FAM193A: variants seen among roughly 807,000 people sequenced by gnomAD.
FAM193A encodes protein FAM193A.
Under a neutral mutation model 126.5 loss-of-function variants are expected in FAM193A, and 22 were observed. The observed-to-expected ratio is 0.17, with a 90% CI of 0.12 to 0.25. FAM193A has a LOEUF of 0.25. Among genes scored for constraint, FAM193A ranks in the 10% least tolerant of loss-of-function variants. The pLI is 1.00. For synonymous variants in FAM193A, 761 were observed against 646.8 expected (o/e 1.18, Z -2.68); for missense variants, 1,675 against 1,672.8 (o/e 1.00, Z -0.02).
At chr4:2,621,669 G>A (rs1742553055) in intron 2 of FAM193A, among the ~76,000 whole-genome samples, 1 of 152,210 alleles carries the variant, frequency 6.6e-6, no homozygotes, top group Admixed American at 6.5e-5. Flanking sequence ...CAGGCAAGAG[G>A]TAGGTGATGA....
chr4:2,630,131 CAAAA>C (rs34488841), intron 4 of FAM193A, among the ~76,000 whole-genome samples: 2 of 108,048 alleles, frequency 1.9e-5, no homozygotes, highest in Admixed American at 1.0e-4. Context: ...GACTCCATCT[CAAAA>C]AAAAAAAAAA....
intron 5 of FAM193A, among the ~76,000 whole-genome samples, chr4:2,633,341 T>C (rs1407119098): frequency 2.0e-5 from 3 of 151,106 alleles, no homozygotes; most frequent in Non-Finnish European, 4.4e-5. Flanking sequence ...AGAGGTTGCA[T>C]TGAGCCAAGA....
At chr4:2,578,593 G>C (rs1739740664) in intron 1 of FAM193A, among the ~76,000 whole-genome samples, 1 of 152,034 alleles carries the variant, frequency 6.6e-6, no homozygotes, top group South Asian at 2.1e-4. Context: ...GAACGAAGGG[G>C]TTAGGGATGC....
intron 7 of FAM193A, among the ~76,000 whole-genome samples, chr4:2,648,284 GT>G (rs1175390765): frequency 6.6e-6 from 1 of 152,132 alleles, no homozygotes; most frequent in African/African-American, 2.4e-5. Flanking sequence ...CTTAGGGCAG[GT>G]GGCCCTGAGA....
chr4:2,731,743 T>C (rs1002527156), intron 20 of FAM193A, 32 bp from the exon 21 acceptor site: 1 of 1,567,440 alleles, frequency 6.4e-7, no homozygotes, highest in African/African-American at 1.4e-5. Context: ...GGCTGTTTCC[T>C]TCAGTGACTG....
At chr4:2,622,257 CAAAAAAAAAAA>C (rs71178493) in intron 2 of FAM193A, among the ~76,000 whole-genome samples, 21 of 55,570 alleles carry the variant, frequency 3.8e-4, no homozygotes, top group African/African-American at 1.2e-3. Flanking sequence ...ACCCTGTCTC[CAAAAAAAAAAA>C]AAAAAAAAAA....
intron 13 of FAM193A, among the ~76,000 whole-genome samples, chr4:2,685,816 T>C (rs1715672386): frequency 6.6e-6 from 1 of 152,218 alleles, no homozygotes; most frequent in African/African-American, 2.4e-5. Context: ...AAACTCAGTG[T>C]GTGCGCAGTG....
At chr4:2,625,608 G>C in intron 3 of FAM193A, 1 of 405,762 alleles carries the variant, frequency 2.5e-6, no homozygotes, top group Non-Finnish European at 4.4e-6. Context: ...ACAAGAGAAG[G>C]AGTCCTTAAA....
At chr4:2,683,584 C>T (rs1715404163) in intron 13 of FAM193A, among the ~76,000 whole-genome samples, 1 of 152,240 alleles carries the variant, frequency 6.6e-6, no homozygotes, top group Admixed American at 6.5e-5. Flanking sequence ...TGAGCCATGG[C>T]ACCTGGCCAA....
chr4:2,682,828 T>C (rs1436953849), intron 13 of FAM193A, among the ~76,000 whole-genome samples: 1 of 131,762 alleles, frequency 7.6e-6, no homozygotes, highest in Non-Finnish European at 1.7e-5. Context: ...TTTTCACTTA[T>C]CCACATGTTT....
intron 17 of FAM193A, 158 bp downstream of exon 17, chr4:2,695,287 C>T: frequency 1.7e-6 from 1 of 605,860 alleles, no homozygotes; most frequent in Non-Finnish European, 2.6e-6. Context: ...AAGATTTAGC[C>T]ATAATGATTT....
At chr4:2,553,274 C>T (rs182990840) in intron 1 of FAM193A, among the ~76,000 whole-genome samples, 118 of 152,084 alleles carry the variant, frequency 7.8e-4, no homozygotes, top group Middle Eastern at 6.8e-3. Context: ...GGCTGTAATG[C>T]GCGATGATAG....
intron 7 of FAM193A, among the ~76,000 whole-genome samples, chr4:2,647,536 T>C (rs1745272988): frequency 6.6e-6 from 1 of 151,890 alleles, no homozygotes; most frequent in Non-Finnish European, 1.5e-5. Context: ...TAGAAGGGAG[T>C]GCAGACACAT....
chr4:2,710,161 G>GTTTTTTTTTTTT (rs796903801), intron 19 of FAM193A, among the ~76,000 whole-genome samples: 22 of 91,814 alleles, frequency 2.4e-4, no homozygotes, highest in Admixed American at 3.1e-4. Context: ...TTCTTCTTTT[G>GTTTTTTTTTTTT]TTTTTTTTTT....
At chr4:2,607,250 T>C (rs977174989) in intron 2 of FAM193A, among the ~76,000 whole-genome samples, 2 of 151,854 alleles carry the variant, frequency 1.3e-5, no homozygotes, top group Non-Finnish European at 2.9e-5. Context: ...GAACTGGCTT[T>C]TTTCCCGCCT....
At chr4:2,617,791 C>A (rs764134389) in intron 2 of FAM193A, among the ~76,000 whole-genome samples, 9 of 152,142 alleles carry the variant, frequency 5.9e-5, no homozygotes, top group Non-Finnish European at 1.3e-4. Flanking sequence ...GTATTATACA[C>A]CTCAGCATAC....
At position 2,625,393 on chromosome 4, in the gene FAM193A, C is replaced by G. The variant is rs1199992859; in HGVS notation, c.633C>G (p.Arg211=). ...TACSCEACSE[R]REISAEADRE... ...GCTCGTGCGAGGCCTGCAGTGAGCG[C>G]AGGTATGTGACGTGTGTGCCACGTT... Residue 211 remains arginine (R), a splice_region_variant and synonymous_variant, in exon 3 of 21, where the codon CGC becomes CGG. Coordinates refer to ENST00000637812, the MANE Select transcript of FAM193A (RefSeq NM_001366318.2). 1 of 701,576 alleles carries G rather than the reference C, an allele frequency of 1.4e-6. No homozygotes were observed. Among genetic ancestry groups the G allele is most frequent in the Non-Finnish European group, 2.6e-6 (1 of 384,156 alleles). The allele number at this position is 701,576 out of a possible 1,614,324, so 43.5% of individuals were successfully genotyped here.
intron 2 of FAM193A, among the ~76,000 whole-genome samples, chr4:2,608,681 C>G (rs116445228): frequency 2.8e-3 from 428 of 152,154 alleles, no homozygotes; most frequent in African/African-American, 7.8e-3. Flanking sequence ...CATTCTATCT[C>G]GGGCCCAGAG....
At chr4:2,598,530 C>G (rs1008383526) in intron 2 of FAM193A, among the ~76,000 whole-genome samples, 2 of 152,220 alleles carry the variant, frequency 1.3e-5, no homozygotes, top group Non-Finnish European at 2.9e-5. Context: ...GGCCTCTTGT[C>G]TTACAGTGGC....
Sources: gnomAD v4.1 joint callset for allele counts (sites outside exome capture counted in the v4.1 genomes callset) on GRCh38, gnomAD v4.1.1 for gene constraint, MANE v1.5 for transcripts, NCBI Gene and HGNC (gene_info 2026-07-23, HGNC 2026-07-21) for gene names.